RELA: variants seen among roughly 807,000 people sequenced by gnomAD.
RELA encodes the protein RELA proto-oncogene, NF-kB subunit, also known as transcription factor p65.
In RELA, 14 loss-of-function variants were observed where a neutral mutation model predicts 56.7. That is an observed-to-expected ratio of 0.25 (90% CI 0.16 to 0.39). RELA has a LOEUF of 0.39. RELA is among the 10% of genes least tolerant of loss of function. The pLI is 1.00. For synonymous variants in RELA, 315 were observed against 289.7 expected, an observed-to-expected ratio of 1.09 and a Z score of -0.89; for missense variants, 559 against 736.4, an observed-to-expected ratio of 0.76 and a Z score of 2.79.
intron 8 of RELA, 123 bp from the exon 9 acceptor site, chr11:65,656,058 TC>T: frequency 1.3e-6 from 1 of 795,862 alleles, no homozygotes. Flanking sequence ...CCCAACCTTC[TC>T]TGCCAATGAG....
Position 65,659,714 on chromosome 11 carries a change from T to G in RELA, c.511A>C (p.Arg171=). The G allele has an allele frequency of 6.2e-7, 1 of 1,613,948 alleles. No individual in the cohort carries two copies. The highest frequency in any genetic ancestry group is 8.5e-7 in the Non-Finnish European group (1 of 1,180,002). ...FQVTVRDPSG[R]PLRLPPVLSH... is the part of the protein sequence containing the mutation. ...AGGACAGGCGGCAGGCGGAGGGGCC[T>G]GCCTGATGGGTCCCGCACTGTCACC... The change falls in exon 6 of 11, where the codon AGG becomes CGG. Residue 171 remains arginine (R), a synonymous_variant. Coordinates refer to ENST00000406246, the MANE Select transcript of RELA (RefSeq NM_021975.4).
intron 10 of RELA, 55 bp from the exon 11 acceptor site, chr11:65,655,055 C>A: frequency 7.2e-7 from 1 of 1,398,252 alleles, no homozygotes. Flanking sequence ...AGATCCACCC[C>A]GTCCTCTGTA....
rs1442980013 is a variant in RELA at position 65,658,299 on chromosome 11, G to A, written c.865C>T (p.Leu289=). ...CCCAGCTGTGTACCTGTATCTGGCA[G>A]GTACTGGAATTCCATGGGCTCACTG... ...ELSEPMEFQY[L]PDTDDRHRIE... Residue 289 remains leucine, a synonymous_variant, in exon 8 of 11, where the codon CTG becomes TTG. Coordinates refer to ENST00000406246, the MANE Select transcript of RELA (RefSeq NM_021975.4). The surrounding 1 kb of genome is among the most constrained non-coding windows in gnomAD (Gnocchi z 4.5). The A allele has an allele frequency of 6.2e-7, 1 of 1,600,084 alleles. No homozygotes were observed. Among genetic ancestry groups the A allele is most frequent in the South Asian group, 1.1e-5 (1 of 89,020 alleles).
Position 65,654,435 on chromosome 11 carries a change from G to A in RELA, c.1599C>T (p.Asp533=). ...AGTCCATGTCCGCAATGGAGGAGAAGTCTTCATCTCCTGAAAGGAGGCCAT... is the reference window on the plus strand; with the variant it reads ...AGTCCATGTCCGCAATGGAGGAGAAATCTTCATCTCCTGAAAGGAGGCCAT... ...LPNGLLSGDE[D]FSSIADMDFS... is the part of the protein sequence containing the mutation. Residue 533 remains aspartate (D), a synonymous_variant, in exon 11 of 11, where the codon GAC becomes GAT. Coordinates refer to ENST00000406246, the MANE Select transcript of RELA (RefSeq NM_021975.4). 1 of 1,611,344 alleles carries A rather than the reference G, an allele frequency of 6.2e-7. No homozygotes were observed. The highest frequency in any genetic ancestry group is 8.5e-7 in the Non-Finnish European group (1 of 1,178,906).
At position 65,658,737 on chromosome 11, in the gene RELA, C is replaced by A. The variant is rs113626536; in HGVS notation, c.645G>T (p.Leu215=). ...GTATACCTTTCTGCACCTTGTCACA[C>A]AGTAGGAAGATCTCATCCCCACCGA... is the stretch of plus-strand genomic sequence containing the variant. ...SCLGGDEIFL[L]CDKVQKEDIE... The change falls in exon 7 of 11, where the codon CTG becomes CTT. Residue 215 remains leucine, a synonymous_variant. Coordinates refer to ENST00000406246, the MANE Select transcript of RELA (RefSeq NM_021975.4). This position sits in a 1 kb window ranked among gnomAD's most constrained non-coding sequence, Gnocchi z 4.5. 7 of 1,613,998 alleles carry A rather than the reference C, an allele frequency of 4.3e-6. No individual in the cohort carries two copies. The highest frequency in any genetic ancestry group is 1.7e-5 in the Admixed American group (1 of 60,010).
At chr11:65,657,934 A>G (rs1248880184) in intron 8 of RELA, among the ~76,000 whole-genome samples, 10 of 152,166 alleles carry the variant, frequency 6.6e-5, no homozygotes, top group Non-Finnish European at 5.9e-5. Flanking sequence ...AGTGTGGCAA[A>G]AGGATCCTGA....
At chr11:65,656,173 G>A (rs1227855538) in intron 8 of RELA, among the ~76,000 whole-genome samples, 1 of 152,280 alleles carries the variant, frequency 6.6e-6, no homozygotes, top group East Asian at 1.9e-4. Context: ...CCGAGTACAG[G>A]GGCCATGCTC....
chr11:65,655,864 G>T lies in RELA; in HGVS notation c.949C>A (p.Pro317Thr), dbSNP rs1291631162. ...ETFKSIMKKS[P>T]FSGPTDPRPP... The stretch of plus-strand genomic sequence containing the variant: ...CCAGTCCCCATCTCACCGCTGAAAG[G>T]ACTCTTCTTCATGATGCTCTTGAAG... The change falls in exon 9 of 11, where the codon CCT becomes ACT. Residue 317 changes from proline to threonine, a missense_variant. Physicochemically the swap from Pro to Thr is conservative, Grantham distance 38. This residue lies in a region of RELA where 365 missense variants were observed against 387.5 expected (regional missense o/e 0.94). Transcript: ENST00000406246. The T allele has an allele frequency of 6.2e-7, 1 of 1,614,018 alleles. No individual in the cohort carries two copies. The highest frequency in any genetic ancestry group is 8.5e-7 in the Non-Finnish European group (1 of 1,179,934).
rs1856416185 is a variant in RELA at position 65,655,944 on chromosome 11, G to A, written c.878-9C>T. On this transcript the variant is annotated splice_polypyrimidine_tract_variant and intron_variant, in intron 8 of 10. Transcript: ENST00000406246. ...AATCCGGTGACGATCGTCTGGGAAAGTAAGGGGGAGAAGTGGGACTTGCTC... is the reference window on the plus strand; with the variant it reads ...AATCCGGTGACGATCGTCTGGGAAAATAAGGGGGAGAAGTGGGACTTGCTC... 1.2e-6 allele frequency: 2 copies of A among 1,613,558 alleles called. No homozygotes were observed. The highest frequency in any genetic ancestry group is 3.3e-5 in the Admixed American group (2 of 60,002).
chr11:65,662,301 C>T, intron 1 of RELA, 96 bp from the exon 2 acceptor site: 1 of 1,392,922 alleles, frequency 7.2e-7, no homozygotes, highest in Non-Finnish European at 9.5e-7. Flanking sequence ...CAGGCTCCCT[C>T]CCAGGGGAAC....
Position 65,654,362 on chromosome 11 carries a change from G to A in RELA, c.*16C>T. The A allele has an allele frequency of 6.2e-7, 1 of 1,613,840 alleles. No homozygotes were observed. The highest frequency in any genetic ancestry group is 1.3e-5 in the African/African-American group (1 of 75,056). ...CCCTGCAACCCAGTGCTCTGGGGAG[G>A]GCAGGCGTCACCCCCTTAGGAGCTG... is the stretch of plus-strand genomic sequence containing the variant. On this transcript the variant is annotated 3_prime_UTR_variant, in exon 11 of 11. Transcript: ENST00000406246.
At chr11:65,660,602 C>T in intron 4 of RELA, 1 of 230,740 alleles carries the variant, frequency 4.3e-6, no homozygotes, top group Non-Finnish European at 8.6e-6. Context: ...ACCTCCCAAT[C>T]TAAAGTCATC....
rs576268607 is a variant in RELA at position 65,658,209 on chromosome 11, G to A, written c.877+78C>T. 72 of 1,140,062 alleles carry A rather than the reference G, an allele frequency of 6.3e-5. 2 individuals are homozygous for A. The South Asian group carries it at 1.1e-3, about 17-fold the overall frequency. 70.6% of individuals were successfully genotyped at this position (1,140,062 alleles called of 1,614,324 possible). A position where few individuals can be genotyped will look rare whatever the true frequency, so the allele number is the denominator to read the frequency against. Reference sequence around the variant, plus strand: ...CTCCAGCTTCTGGCCCTCAACCACAGCCCCAGACATGCAGTCTTGGCCTCT... The same window carrying A: ...CTCCAGCTTCTGGCCCTCAACCACAACCCCAGACATGCAGTCTTGGCCTCT... On this transcript the variant is annotated intron_variant, in intron 8 of 10. Coordinates refer to ENST00000406246, the MANE Select transcript of RELA (RefSeq NM_021975.4). The surrounding 1 kb of genome is among the most constrained non-coding windows in gnomAD (Gnocchi z 4.5).
In RELA at chr11:65,654,462, G is replaced by A; in HGVS notation, c.1572C>T (p.Pro524=). 1 of 1,605,142 alleles carries A rather than the reference G, an allele frequency of 6.2e-7. No individual in the cohort carries two copies. Among genetic ancestry groups the A allele is most frequent in the Non-Finnish European group, 8.5e-7 (1 of 1,176,734 alleles). The change falls in exon 11 of 11, where the codon CCC becomes CCT. Residue 524 remains proline (P), a synonymous_variant. Transcript: ENST00000406246. ...CTTCATCTCCTGAAAGGAGGCCATTGGGGAGCCCCGGGGCCCCCAGTGGAG... is the reference window on the plus strand; with the variant it reads ...CTTCATCTCCTGAAAGGAGGCCATTAGGGAGCCCCGGGGCCCCCAGTGGAG... ...APAPLGAPGL[P]NGLLSGDEDF...
intron 4 of RELA, 117 bp from the exon 5 acceptor site, chr11:65,660,332 C>T (rs1010853200): frequency 5.7e-6 from 5 of 874,698 alleles, no homozygotes; most frequent in African/African-American, 5.0e-5. Context: ...ATGCCTAACC[C>T]TCTCCAGTGG....
In RELA at chr11:65,654,577, G is replaced by A. The variant is rs566890727; in HGVS notation, c.1457C>T (p.Pro486Leu). 23 of 1,613,564 alleles carry A rather than the reference G, an allele frequency of 1.4e-5. No individual in the cohort carries two copies. In the African/African-American group the frequency reaches 2.8e-4, roughly 20 times the overall value. Reference protein sequence around the residue: ...QLLNQGIPVAPHTTEPMLMEY... With the variant: ...QLLNQGIPVALHTTEPMLMEY... ...CATCAGCATGGGCTCAGTTGTGTGG[G>A]GGGCCACAGGTATGCCCTGGTTCAG... Residue 486 changes from proline (P) to leucine (L), a missense_variant, in exon 11 of 11, where the codon CCC becomes CTC. By Grantham distance (98) the Pro-to-Leu change is moderately conservative. Transcript: ENST00000406246.
Position 65,654,731 on chromosome 11 carries a change from T to A in RELA, c.1303A>T (p.Thr435Ser). Reference sequence around the variant, plus strand: ...AGCTGCAGCAGGGCCTCTGACAGCGTTCCTTCCCCAGCCTGGGTGGGCTTG... The same window carrying A: ...AGCTGCAGCAGGGCCTCTGACAGCGATCCTTCCCCAGCCTGGGTGGGCTTG... ...APKPTQAGEG[T>S]LSEALLQLQF... The change falls in exon 11 of 11, where the codon ACG (threonine) becomes TCG (serine). Residue 435 changes from threonine to serine, a missense_variant. This residue lies in a region of RELA where 365 missense variants were observed against 387.5 expected (regional missense o/e 0.94). Coordinates refer to ENST00000406246, the MANE Select transcript of RELA (RefSeq NM_021975.4). The A allele has an allele frequency of 1.3e-6, 2 of 1,526,182 alleles. No homozygotes were observed. Among genetic ancestry groups the A allele is most frequent in the Non-Finnish European group, 1.8e-6 (2 of 1,138,310 alleles). The allele number at this position is 1,526,182 out of a possible 1,614,324, so 94.5% of individuals were successfully genotyped here.
chr11:65,656,099 G>C (rs1310159273), intron 8 of RELA, 164 bp from the exon 9 acceptor site: 1 of 698,094 alleles, frequency 1.4e-6, no homozygotes, highest in African/African-American at 1.8e-5. Context: ...GCAGTTCTGA[G>C]AATCCCACAG....
At chr11:65,655,484 A>G in intron 10 of RELA, 2 of 597,524 alleles carry the variant, frequency 3.3e-6, no homozygotes, top group Non-Finnish European at 6.0e-6. Context: ...TTCCCAAGAT[A>G]CCCAATATAG....
Sources: allele counts gnomAD v4.1 joint callset (sites outside exome capture counted in the v4.1 genomes callset), GRCh38; gene constraint gnomAD v4.1.1; regional missense constraint gnomAD v4.1.1; non-coding constraint Gnocchi (gnomAD v3.1); transcripts MANE v1.5; gene names NCBI Gene and HGNC (gene_info 2026-07-23, HGNC 2026-07-21).